Variants in MACROD2 observed in about 807,000 individuals in gnomAD.
MACROD2 encodes the protein mono-ADP ribosylhydrolase 2.
MACROD2 carries 36 observed loss-of-function variants against 70.4 expected under a neutral mutation model. The ratio of observed to expected loss-of-function variants is 0.51; its 90% CI spans 0.39 to 0.68. MACROD2 has a LOEUF of 0.68. Among genes scored for constraint, MACROD2 ranks in the 30% least tolerant of loss-of-function variants. MACROD2 has a pLI of 0.00. For missense variants in MACROD2, 496 were observed against 538.4 expected (o/e 0.92, Z 0.78); for synonymous variants, 172 against 178.8 (o/e 0.96, Z 0.30).
At chr20:15,314,332 T>G (rs1013194014) in intron 6 of MACROD2, among the ~76,000 whole-genome samples, 2 of 152,030 alleles carry the variant, frequency 1.3e-5, no homozygotes, top group Non-Finnish European at 2.9e-5. Flanking sequence ...GGCTCATGCC[T>G]GTAATCTCGG....
intron 3 of MACROD2, among the ~76,000 whole-genome samples, chr20:14,289,283 CT>C (rs1272920444): frequency 6.6e-6 from 1 of 152,100 alleles, no homozygotes; most frequent in Admixed American, 6.5e-5. Flanking sequence ...GTAACAGATC[CT>C]TCCTAAATTG....
At chr20:14,862,206 A>T (rs1169901106) in intron 5 of MACROD2, among the ~76,000 whole-genome samples, 1 of 14,500 alleles carries the variant, frequency 6.9e-5, no homozygotes. Context: ...TAAATATATA[A>T]ATATATATAT....
intron 3 of MACROD2, among the ~76,000 whole-genome samples, chr20:14,382,390 C>T (rs1481764940): frequency 1.3e-5 from 2 of 151,622 alleles, no homozygotes; most frequent in Non-Finnish European, 2.9e-5. Flanking sequence ...TAATCTGGGC[C>T]AGGCGTGGTG....
At chr20:14,490,080 A>G (rs1478724277) in intron 3 of MACROD2, among the ~76,000 whole-genome samples, 1 of 152,156 alleles carries the variant, frequency 6.6e-6, no homozygotes, top group East Asian at 1.9e-4. Flanking sequence ...TGCCGTGATC[A>G]TTTTTCATTT....
chr20:15,529,445 A>G (rs751662542), intron 8 of MACROD2, among the ~76,000 whole-genome samples: 73 of 152,126 alleles, frequency 4.8e-4, no homozygotes, highest in Non-Finnish European at 1.9e-4. Context: ...GACATTAGAT[A>G]TTCTTTAACT....
chr20:15,271,216 G>A (rs1883445403), intron 6 of MACROD2, among the ~76,000 whole-genome samples: 1 of 152,166 alleles, frequency 6.6e-6, no homozygotes, highest in African/African-American at 2.4e-5. Context: ...GGCTTCTGGT[G>A]AGGGTACAAT....
At chr20:14,367,979 C>A (rs542061100) in intron 3 of MACROD2, among the ~76,000 whole-genome samples, 9 of 152,060 alleles carry the variant, frequency 5.9e-5, no homozygotes, top group Admixed American at 3.9e-4. Context: ...AATTTAAATT[C>A]TTTGGTAAGT....
At chr20:15,896,375 A>G (rs1258850384) in intron 10 of MACROD2, among the ~76,000 whole-genome samples, 1 of 152,128 alleles carries the variant, frequency 6.6e-6, no homozygotes, top group East Asian at 1.9e-4. Flanking sequence ...ACTCACCTAG[A>G]TTTTCCAGCA....
At chr20:14,291,214 G>A (rs2082383754) in intron 3 of MACROD2, among the ~76,000 whole-genome samples, 1 of 152,192 alleles carries the variant, frequency 6.6e-6, no homozygotes, top group Non-Finnish European at 1.5e-5. Flanking sequence ...ATAGAAATTA[G>A]AACAGGACAT....
At chr20:15,605,859 G>T (rs2048886429) in intron 8 of MACROD2, among the ~76,000 whole-genome samples, 1 of 152,118 alleles carries the variant, frequency 6.6e-6, no homozygotes, top group Non-Finnish European at 1.5e-5. Flanking sequence ...GACCTTCCTT[G>T]TGTTGTTCAA....
At chr20:14,829,416 A>G (rs902417543) in intron 5 of MACROD2, among the ~76,000 whole-genome samples, 55 of 151,872 alleles carry the variant, frequency 3.6e-4, no homozygotes, top group Admixed American at 1.4e-3. Flanking sequence ...TATTTTTTAA[A>G]GGAAAATATG....
At chr20:14,200,485 A>C (rs1367550062) in intron 3 of MACROD2, among the ~76,000 whole-genome samples, 1 of 152,158 alleles carries the variant, frequency 6.6e-6, no homozygotes, top group Non-Finnish European at 1.5e-5. Flanking sequence ...CCCCCATGAC[A>C]CAAGTTTACC....
At chr20:14,717,671 A>G (rs1467269938) in intron 5 of MACROD2, among the ~76,000 whole-genome samples, 1 of 152,044 alleles carries the variant, frequency 6.6e-6, no homozygotes. Context: ...ATAAGGTGAT[A>G]TGCAAGTGAG....
At chr20:14,449,420 A>G (rs983378) in intron 3 of MACROD2, among the ~76,000 whole-genome samples, 44,987 of 152,058 alleles carry the variant, frequency 0.3, 7,762 homozygotes, top group South Asian at 0.58. Context: ...TCAATAGATT[A>G]TAATTGAGTA....
intron 2 of MACROD2, among the ~76,000 whole-genome samples, chr20:14,027,281 G>T (rs535543016): frequency 6.6e-6 from 1 of 152,120 alleles, no homozygotes; most frequent in African/African-American, 2.4e-5. Flanking sequence ...GCTTCACGAA[G>T]TTCTCGTGCT....
intron 6 of MACROD2, among the ~76,000 whole-genome samples, chr20:15,268,498 T>G (rs2077316769): frequency 6.6e-6 from 1 of 151,952 alleles, no homozygotes. Flanking sequence ...TAAAAATATT[T>G]TAAAAATTAG....
intron 8 of MACROD2, among the ~76,000 whole-genome samples, chr20:15,651,309 G>A (rs1171454066): frequency 3.3e-5 from 5 of 152,166 alleles, no homozygotes; most frequent in African/African-American, 9.7e-5. Flanking sequence ...ATTAAGCACA[G>A]CACGCAAACT....
intron 10 of MACROD2, among the ~76,000 whole-genome samples, chr20:15,918,048 A>G (rs2065345893): frequency 6.6e-6 from 1 of 152,190 alleles, no homozygotes; most frequent in Admixed American, 6.5e-5. Flanking sequence ...GGGGAGTTCT[A>G]TGAATAAATA....
chr20:15,665,855 G>A (rs1446583347), intron 8 of MACROD2, among the ~76,000 whole-genome samples: 1 of 152,192 alleles, frequency 6.6e-6, no homozygotes, highest in African/African-American at 2.4e-5. Context: ...CCACAGTCCA[G>A]CCTGTGGTGA....
Sources: allele counts gnomAD v4.1 joint callset (sites outside exome capture counted in the v4.1 genomes callset), GRCh38; gene constraint gnomAD v4.1.1; transcripts MANE v1.5; gene names NCBI Gene and HGNC (gene_info 2026-07-23, HGNC 2026-07-21).